Variants in ATP7A observed in about 807,000 individuals in gnomAD.
ATP7A encodes the protein copper-transporting ATPase 1.
ATP7A carries 7 observed loss-of-function variants against 83.5 expected under a neutral mutation model. That is an observed-to-expected ratio of 0.08 (90% CI 0.05 to 0.16). The LOEUF is 0.16. ATP7A is among the 10% of genes least tolerant of loss of function. The pLI is 1.00. For missense variants in ATP7A, 940 were observed against 1,120.8 expected (o/e 0.84, Z 2.30); for synonymous variants, 354 against 395.2 (o/e 0.90, Z 1.24).
intron 1 of ATP7A, among the ~76,000 whole-genome samples, chrX:77,949,166 A>T (rs2077400171): frequency 8.9e-6 from 1 of 111,939 alleles, no homozygotes; most frequent in East Asian, 2.8e-4. Context: ...CTAGGATTAC[A>T]GGCGTGAGCC....
At chrX:77,925,226 T>C (rs1285681212) in intron 1 of ATP7A, among the ~76,000 whole-genome samples, 1 of 112,137 alleles carries the variant, frequency 8.9e-6, no homozygotes, top group Non-Finnish European at 1.9e-5. Flanking sequence ...ATATTTCAGC[T>C]ATAAAAATTA....
At chrX:78,045,056 C>G (rs1251021012) in intron 21 of ATP7A, among the ~76,000 whole-genome samples, 1 of 112,226 alleles carries the variant, frequency 8.9e-6, no homozygotes, top group Non-Finnish European at 1.9e-5. Flanking sequence ...TCTATTTCAT[C>G]CTCATCATGT....
rs1557238695 is a variant in ATP7A, at chrX:78,043,425, A to G, written c.4114A>G (p.Ile1372Val). 8.3e-7 allele frequency: 1 copy of G among 1,197,726 alleles called. No homozygotes were observed. The highest frequency in any genetic ancestry group is 1.1e-6 in the Non-Finnish European group (1 of 883,102). ...AATTTATAATCTGGTTGGAATTCCC[A>G]TAGCTGCTGGTATGTGACTCTTAAC... ...ALIYNLVGIP[I>V]AAGVFMPIGL... is the part of the protein sequence containing the mutation. The change falls in exon 21 of 23, where the codon ATA becomes GTA. Residue 1372 changes from isoleucine to valine, a missense_variant. Ile to Val is a conservative substitution (Grantham distance 29). Transcript: ENST00000341514.
At chrX:77,952,228 C>A (rs1189314540) in intron 1 of ATP7A, among the ~76,000 whole-genome samples, 1 of 111,916 alleles carries the variant, frequency 8.9e-6, no homozygotes, top group Non-Finnish European at 1.9e-5. Flanking sequence ...AGTGCAATTG[C>A]TGGATTGTAT....
At chrX:77,987,138 G>A (rs2077641562) in intron 2 of ATP7A, among the ~76,000 whole-genome samples, 1 of 111,257 alleles carries the variant, frequency 9.0e-6, no homozygotes, top group Non-Finnish European at 1.9e-5. Flanking sequence ...GGATGAATGG[G>A]TATCCCTTTT....
chrX:78,023,384 T>C (rs1657584022), intron 14 of ATP7A, among the ~76,000 whole-genome samples: 2 of 112,744 alleles, frequency 1.8e-5, no homozygotes, highest in Admixed American at 9.4e-5. Context: ...CAGACTGTTT[T>C]CCGTAGAGGT....
At chrX:78,002,173 G>A (rs1184037836) in intron 5 of ATP7A, among the ~76,000 whole-genome samples, 1 of 107,659 alleles carries the variant, frequency 9.3e-6, no homozygotes, top group Admixed American at 1.0e-4. Flanking sequence ...AGGGTCAAGT[G>A]ATCTTCCCAC....
In ATP7A at chrX:77,926,589, C is replaced by T. The variant is rs782079513; in HGVS notation, c.-22+15754C>T. Among the ~76,000 whole-genome samples, 1,085 of 112,175 alleles carry T rather than the reference C, an allele frequency of 9.7e-3. 4 individuals carry two copies. Among genetic ancestry groups the T allele is most frequent in the Non-Finnish European group, 0.014 (765 of 53,235 alleles). ...CAAGTCATCCACCCACCTTGGCCTC[C>T]CAAAGTGCTGGGATTATAGGCATGA... On this transcript the variant is annotated intron_variant, in intron 1 of 22. Coordinates refer to ENST00000341514, the MANE Select transcript of ATP7A (RefSeq NM_000052.7).
rs781951786 is a variant in ATP7A, at chrX:77,988,359, C to T, written c.238C>T (p.Pro80Ser). Residue 80 changes from proline (P) to serine (S), a missense_variant, in exon 3 of 23, where the codon CCT becomes TCT. By Grantham distance (74) the Pro-to-Ser change is moderately conservative (BLOSUM62 -1). Around this residue, in one of 3 missense-constraint regions of ATP7A, gnomAD observed 350 missense variants for 432.8 expected, o/e 0.81. Coordinates refer to ENST00000341514, the MANE Select transcript of ATP7A (RefSeq NM_000052.7). Reference sequence around the variant, plus strand: ...TGATGCTGTTATCCATAATCCTGACCCTCTCCCTGTTTTAACTGACACCTT... The same window carrying T: ...TGATGCTGTTATCCATAATCCTGACTCTCTCCCTGTTTTAACTGACACCTT... ...GFDAVIHNPD[P>S]LPVLTDTLFL... 2.5e-6 allele frequency: 3 copies of T among 1,210,459 alleles called. No homozygotes were observed. Among genetic ancestry groups the T allele is most frequent in the South Asian group, 3.5e-5 (2 of 56,773 alleles).
At chrX:77,948,798 A>G (rs2077398157) in intron 1 of ATP7A, among the ~76,000 whole-genome samples, 1 of 111,959 alleles carries the variant, frequency 8.9e-6, no homozygotes, top group Non-Finnish European at 1.9e-5. Flanking sequence ...CAGTTGAAGA[A>G]GGGAATCGTA....
At chrX:78,040,926 G>A (rs1477452351) in intron 19 of ATP7A, among the ~76,000 whole-genome samples, 193 bp downstream of exon 19, 2 of 111,768 alleles carry the variant, frequency 1.8e-5, no homozygotes, top group Admixed American at 1.9e-4. Context: ...TACGTAAAAA[G>A]GTATTTGCTT....
Position 77,989,823 on chromosome X carries a change from A to G in ATP7A, c.1201A>G (p.Lys401Glu). Residue 401 changes from lysine (K) to glutamate (E), a missense_variant, in exon 4 of 23, where the codon AAA becomes GAA. This residue lies in a region of ATP7A where 350 missense variants were observed against 432.8 expected (regional missense o/e 0.81). Transcript: ENST00000341514. The stretch of plus-strand genomic sequence containing the variant: ...GCAGTCTATTGAGGGTGTCATATCA[A>G]AAAAGCCAGGTGTAAAATCCATACG... The part of the protein sequence containing the change: ...CVQSIEGVIS[K>E]KPGVKSIRVS... 1 of 1,211,482 alleles carries G rather than the reference A, an allele frequency of 8.3e-7. No individual in the cohort carries two copies.
At chrX:77,962,958 T>C (rs2077482026) in intron 1 of ATP7A, 1 of 284,015 alleles carries the variant, frequency 3.5e-6, no homozygotes, top group African/African-American at 2.8e-5. Flanking sequence ...TATATGATCA[T>C]TTCACATGTG....
chrX:77,962,650 T>A (rs369008303), intron 1 of ATP7A: 3 of 376,718 alleles, frequency 8.0e-6, no homozygotes, highest in Non-Finnish European at 1.6e-5. Flanking sequence ...TCCCTGGGCA[T>A]TGCTGTGAGT....
intron 1 of ATP7A, among the ~76,000 whole-genome samples, chrX:77,967,405 C>T (rs1317275634): frequency 8.9e-6 from 1 of 112,030 alleles, no homozygotes; most frequent in Non-Finnish European, 1.9e-5. Flanking sequence ...CACAGCCTCA[C>T]CAGCATCTAT....
In ATP7A at chrX:77,989,582, G is replaced by T. The variant is rs1603381502; in HGVS notation, c.960G>T (p.Lys320Asn). The change falls in exon 4 of 23, where the codon AAG (lysine) becomes AAT (asparagine). Residue 320 changes from lysine to asparagine, a missense_variant. Lys to Asn is a moderately conservative substitution (Grantham distance 94). Coordinates refer to ENST00000341514, the MANE Select transcript of ATP7A (RefSeq NM_000052.7). ...VSLENRSAIV[K>N]YNASSVTPES... ...TAGAGAATAGGTCTGCCATTGTGAA[G>T]TATAATGCAAGCTCAGTCACTCCAG... 1 of 1,211,848 alleles carries T rather than the reference G, an allele frequency of 8.3e-7. No homozygotes were observed. Among genetic ancestry groups the T allele is most frequent in the Non-Finnish European group, 1.1e-6 (1 of 895,467 alleles).
rs199603258 is a variant in ATP7A, at chrX:77,950,519, CAT to C, written c.-21-21101_-21-21100del. Among the ~76,000 whole-genome samples, 546 of 111,673 alleles carry C rather than the reference CAT, an allele frequency of 4.9e-3. 2 individuals carry two copies. Among genetic ancestry groups the C allele is most frequent in the Middle Eastern group, 9.3e-3 (2 of 216 alleles). On this transcript the variant is annotated intron_variant, in intron 1 of 22. Transcript: ENST00000341514. Reference sequence around the variant, plus strand: ...GTTTTAAGCCACATAGTAATGGACACATGTGAGCAATCTACTGGGGGAATGAG... The same window carrying C: ...GTTTTAAGCCACATAGTAATGGACACGTGAGCAATCTACTGGGGGAATGAG...
chrX:77,944,598 A>AT (rs1186931256), intron 1 of ATP7A, among the ~76,000 whole-genome samples: 2 of 108,895 alleles, frequency 1.8e-5, no homozygotes, highest in African/African-American at 3.3e-5. Flanking sequence ...CGCTCAGATA[A>AT]TTTTTTTTAA....
At chrX:77,994,087 A>G (rs1557232323) in intron 4 of ATP7A, among the ~76,000 whole-genome samples, 2 of 110,448 alleles carry the variant, frequency 1.8e-5, no homozygotes, top group African/African-American at 6.6e-5. Context: ...ATTATTGGAG[A>G]CAGAGTTGCA....
Sources: gnomAD v4.1 joint callset for allele counts (sites outside exome capture counted in the v4.1 genomes callset) on GRCh38, gnomAD v4.1.1 for gene constraint, gnomAD v4.1.1 regional missense constraint, MANE v1.5 for transcripts, NCBI Gene and HGNC (gene_info 2026-07-23, HGNC 2026-07-21) for gene names.